Variants in KLHDC8A observed in about 807,000 individuals in gnomAD.
The protein encoded by KLHDC8A is kelch domain containing 8A.
Under a neutral mutation model 33.1 loss-of-function variants are expected in KLHDC8A, and 21 were observed. The ratio of observed to expected loss-of-function variants is 0.64; its 90% CI spans 0.45 to 0.91. The LOEUF is 0.91. Among genes scored for constraint, KLHDC8A ranks in the 40% least tolerant of loss-of-function variants. The probability of loss-of-function intolerance (pLI) is 0.00; values close to 1 mark genes in which losing one functional copy is unlikely to be tolerated. For synonymous variants in KLHDC8A, 173 were observed against 193.5 expected, an observed-to-expected ratio of 0.89 and a Z score of 0.88; for missense variants, 435 against 483.3, an observed-to-expected ratio of 0.90 and a Z score of 0.94.
chr1:205,343,697 C>T lies in KLHDC8A; in HGVS notation c.-93G>A, dbSNP rs1195845871. On this transcript the variant is annotated 5_prime_UTR_variant, in exon 2 of 6. The change creates a new upstream start codon in the 5' untranslated region. Coordinates refer to ENST00000367155, the MANE Select transcript of KLHDC8A (RefSeq NM_018203.3). Reference sequence around the variant, plus strand: ...CCGGCTCCCACGGCCCCTATCGCCACCTCCATCTGGCTCCCGAGCGCCGGA... The same window carrying T: ...CCGGCTCCCACGGCCCCTATCGCCATCTCCATCTGGCTCCCGAGCGCCGGA... 5.2e-6 allele frequency: 7 copies of T among 1,350,298 alleles called. 1 individual carries two copies. The African/African-American group carries it at 5.8e-5, about 11-fold the overall frequency. The allele number at this position is 1,350,298 out of a possible 1,614,324, so 83.6% of individuals were successfully genotyped here.
chr1:205,340,254 A>G (rs2018104), intron 2 of KLHDC8A, among the ~76,000 whole-genome samples: 39,316 of 151,376 alleles, frequency 0.26, 5,252 homozygotes, highest in Non-Finnish European at 0.3. Flanking sequence ...GGCTCAAGCA[A>G]TCCTCTTGCC....
Position 205,339,931 on chromosome 1 carries a change from CAT to C in KLHDC8A, c.377-125_377-124del, listed in dbSNP as rs554904526. Reference sequence around the variant, plus strand: ...CAACCACTGCTCAGCCAGAGTGAGTCATATCTGTATCAGTGTGGTTGATAGCA... The same window carrying C: ...CAACCACTGCTCAGCCAGAGTGAGTCATCTGTATCAGTGTGGTTGATAGCA... On this transcript the variant is annotated intron_variant, in intron 2 of 5. Coordinates refer to ENST00000367155, the MANE Select transcript of KLHDC8A (RefSeq NM_018203.3). The surrounding 1 kb of genome is among the most constrained non-coding windows in gnomAD (Gnocchi z 5.1). 285 of 792,406 alleles carry C rather than the reference CAT, an allele frequency of 3.6e-4. 1 individual carries two copies. In the African/African-American group the frequency reaches 4.0e-3, roughly 11 times the overall value. 49.1% of individuals were successfully genotyped at this position (792,406 alleles called of 1,614,324 possible).
At chr1:205,346,590 C>T (rs1662953443) in intron 1 of KLHDC8A, among the ~76,000 whole-genome samples, 1 of 100,298 alleles carries the variant, frequency 1.0e-5, no homozygotes, top group Non-Finnish European at 2.4e-5. Context: ...TAAAACAGCC[C>T]TGGGAGGGGT....
chr1:205,342,004 C>T (rs1260765382), intron 2 of KLHDC8A, among the ~76,000 whole-genome samples: 3 of 152,208 alleles, frequency 2.0e-5, no homozygotes, highest in Non-Finnish European at 2.9e-5. Flanking sequence ...AAATCTACAG[C>T]CCCAGCATCT....
At chr1:205,342,514 G>A (rs1662818985) in intron 2 of KLHDC8A, among the ~76,000 whole-genome samples, 1 of 152,210 alleles carries the variant, frequency 6.6e-6, no homozygotes, top group Non-Finnish European at 1.5e-5. Flanking sequence ...AGGTGCTCAA[G>A]AAATACTGGT....
intron 1 of KLHDC8A, among the ~76,000 whole-genome samples, chr1:205,350,424 G>A (rs577957853): frequency 6.6e-6 from 1 of 152,228 alleles, no homozygotes; most frequent in East Asian, 1.9e-4. Flanking sequence ...TTCTCTAAAA[G>A]TGAAAACGTG....
At chr1:205,341,720 G>A (rs1047701659) in intron 2 of KLHDC8A, among the ~76,000 whole-genome samples, 10 of 151,762 alleles carry the variant, frequency 6.6e-5, no homozygotes, top group African/African-American at 9.7e-5. Context: ...GCGCGATCTC[G>A]GCTCACTGCA....
Position 205,337,529 on chromosome 1 carries a change from A to C in KLHDC8A, c.923T>G (p.Ile308Ser), listed in dbSNP as rs759671396. The change falls in exon 6 of 6, where the codon ATC becomes AGC. Residue 308 changes from isoleucine (I) to serine (S), a missense_variant. Transcript: ENST00000367155. ...GCGGGGTGTGGGCATGGCAGGGAGG[A>C]TCTCCCATTTGTTCTTCCCTGGGTG... Reference protein sequence around the residue: ...AFHPGKNKWEILPAMPTPRCA... With the variant: ...AFHPGKNKWESLPAMPTPRCA... The C allele has an allele frequency of 6.2e-7, 1 of 1,613,884 alleles. No individual in the cohort carries two copies. The highest frequency in any genetic ancestry group is 2.2e-5 in the East Asian group (1 of 44,868).
intron 1 of KLHDC8A, among the ~76,000 whole-genome samples, chr1:205,346,394 A>G (rs1207297125): frequency 6.6e-6 from 1 of 152,208 alleles, no homozygotes; most frequent in African/African-American, 2.4e-5. Flanking sequence ...GTTGGAGTCC[A>G]TCCTTAGCTT....
intron 2 of KLHDC8A, among the ~76,000 whole-genome samples, chr1:205,340,234 C>T (rs892333884): frequency 6.6e-5 from 10 of 151,236 alleles, no homozygotes; most frequent in Non-Finnish European, 1.5e-4. Context: ...AGGCTGGTCT[C>T]GAACTCCGGG....
At chr1:205,355,114 CTCA>C (rs1663230765) in intron 1 of KLHDC8A, among the ~76,000 whole-genome samples, 1 of 152,206 alleles carries the variant, frequency 6.6e-6, no homozygotes, top group Non-Finnish European at 1.5e-5. Context: ...ATCACTCCCC[CTCA>C]TCCTGGTGCT....
At chr1:205,346,929 C>G in intron 1 of KLHDC8A, among the ~76,000 whole-genome samples, 1 of 152,138 alleles carries the variant, frequency 6.6e-6, no homozygotes, top group African/African-American at 2.4e-5. Flanking sequence ...GAATCCAGCC[C>G]CAGAATAGGC....
rs150155459 is a variant in KLHDC8A, at chr1:205,344,653, GTAT to G, written c.-189-863_-189-861del. 4.7e-4 allele frequency among the ~76,000 whole-genome samples: 71 copies of G among 152,282 alleles called. No homozygotes were observed. In the East Asian group the frequency reaches 0.013, roughly 27 times the overall value. ...CAATAGCCAGCTTTGCTGGGGGGAG[GTAT>G]TATCATATAGTTTAACCTCATGAAA... On this transcript the variant is annotated intron_variant, in intron 1 of 5. Coordinates refer to ENST00000367155, the MANE Select transcript of KLHDC8A (RefSeq NM_018203.3).
chr1:205,345,113 G>A (rs1406894970), intron 1 of KLHDC8A, among the ~76,000 whole-genome samples: 1 of 152,196 alleles, frequency 6.6e-6, no homozygotes, highest in East Asian at 1.9e-4. Flanking sequence ...TGGTCTGGTG[G>A]ACTGCAAGGC....
chr1:205,336,995 C>G lies in KLHDC8A; in HGVS notation c.*404G>C, dbSNP rs1428269712. The stretch of plus-strand genomic sequence containing the variant: ...TTCTCCATTTTTCATCCTAAGCTAC[C>G]TTAAAACTAGTTCAGAGCTGGGGAA... On this transcript the variant is annotated 3_prime_UTR_variant, in exon 6 of 6. Coordinates refer to ENST00000367155, the MANE Select transcript of KLHDC8A (RefSeq NM_018203.3). The G allele has an allele frequency of 1.5e-5, 3 of 197,790 alleles. No homozygotes were observed. Among genetic ancestry groups the G allele is most frequent in the Non-Finnish European group, 3.1e-5 (3 of 95,328 alleles). 12.3% of individuals were successfully genotyped at this position (197,790 alleles called of 1,614,324 possible).
intron 1 of KLHDC8A, among the ~76,000 whole-genome samples, chr1:205,352,152 G>T (rs912424519): frequency 2.0e-5 from 3 of 152,136 alleles, no homozygotes; most frequent in South Asian, 4.1e-4. Flanking sequence ...AAGGTCCCAG[G>T]CCTCTTTGCT....
At chr1:205,351,035 C>T (rs1389969463) in intron 1 of KLHDC8A, among the ~76,000 whole-genome samples, 1 of 152,190 alleles carries the variant, frequency 6.6e-6, no homozygotes, top group African/African-American at 2.4e-5. Flanking sequence ...ACCGGAGTCC[C>T]TCTTCCTAGG....
chr1:205,347,113 C>G (rs952892107), intron 1 of KLHDC8A, among the ~76,000 whole-genome samples: 2 of 152,236 alleles, frequency 1.3e-5, no homozygotes, highest in African/African-American at 4.8e-5. Context: ...CTCTCTTCCT[C>G]TCCGCCAGGT....
intron 1 of KLHDC8A, among the ~76,000 whole-genome samples, chr1:205,355,990 A>T (rs1387759965): frequency 6.6e-6 from 1 of 152,160 alleles, no homozygotes; most frequent in Non-Finnish European, 1.5e-5. Flanking sequence ...ACAAGGGTGT[A>T]TTTCGTGTTG....
Sources: allele counts gnomAD v4.1 joint callset (sites outside exome capture counted in the v4.1 genomes callset), GRCh38; gene constraint gnomAD v4.1.1; non-coding constraint Gnocchi (gnomAD v3.1); transcripts MANE v1.5; gene names NCBI Gene and HGNC (gene_info 2026-07-23, HGNC 2026-07-21).